LINC00305: variants seen among roughly 807,000 people sequenced by gnomAD.
The protein encoded by LINC00305 is long intergenic non-protein coding RNA 305.
chr18:64,127,289 T>G (rs2051389576), intron 1 of LINC00305: 1 of 152,138 alleles, frequency 6.6e-6, no homozygotes, highest in South Asian at 2.1e-4. Flanking sequence ...GAACATGTGC[T>G]TTGTGGCTTA....
intron 3 of LINC00305, among the ~76,000 whole-genome samples, chr18:64,096,622 A>G (rs1287329744): frequency 6.6e-6 from 1 of 151,926 alleles, no homozygotes; most frequent in Non-Finnish European, 1.5e-5. Context: ...TACAGTATAC[A>G]ACAAAGTTAA....
At chr18:64,110,222 T>A (rs1226225221) in intron 1 of LINC00305, among the ~76,000 whole-genome samples, 1 of 152,220 alleles carries the variant, frequency 6.6e-6, no homozygotes, top group Non-Finnish European at 1.5e-5. Context: ...AATAAAATTT[T>A]ATTGTGTAAA....
At chr18:64,145,295 TGTTA>T (rs1234481063) in intron 1 of LINC00305, among the ~76,000 whole-genome samples, 1 of 152,234 alleles carries the variant, frequency 6.6e-6, no homozygotes, top group East Asian at 1.9e-4. Context: ...ACAAATGTTA[TGTTA>T]AAGAATTACT....
At chr18:64,117,373 T>G (rs571054102) in intron 1 of LINC00305, among the ~76,000 whole-genome samples, 9 of 152,296 alleles carry the variant, frequency 5.9e-5, no homozygotes, top group African/African-American at 2.2e-4. Context: ...GCTTTGCAGA[T>G]AAGATAGGGT....
chr18:64,081,931 C>T (rs1033764260), intron 3 of LINC00305, among the ~76,000 whole-genome samples: 6 of 152,150 alleles, frequency 3.9e-5, no homozygotes, highest in Admixed American at 2.0e-4. Flanking sequence ...AACAGCATGG[C>T]TGTGATGAAG....
chr18:64,087,604 A>G (rs1341222010), intron 3 of LINC00305, among the ~76,000 whole-genome samples: 3 of 152,202 alleles, frequency 2.0e-5, no homozygotes, highest in South Asian at 2.1e-4. Context: ...AGATTCCTCA[A>G]AGAAATCTGT....
intron 3 of LINC00305, among the ~76,000 whole-genome samples, chr18:64,089,427 A>G (rs189832940): frequency 6.6e-6 from 1 of 152,322 alleles, no homozygotes; most frequent in East Asian, 1.9e-4. Context: ...CTCAGGTAGT[A>G]TATAGCAGTG....
intron 1 of LINC00305, among the ~76,000 whole-genome samples, chr18:64,118,063 G>T (rs2051345515): frequency 6.6e-6 from 1 of 152,146 alleles, no homozygotes; most frequent in Non-Finnish European, 1.5e-5. Flanking sequence ...TCTCCAGGCT[G>T]AATGCATTAT....
At chr18:64,112,972 T>G (rs1385035863) in intron 1 of LINC00305, among the ~76,000 whole-genome samples, 2 of 152,246 alleles carry the variant, frequency 1.3e-5, no homozygotes, top group Non-Finnish European at 2.9e-5. Flanking sequence ...CTGAGAGCTA[T>G]CATGACAATT....
At chr18:64,080,526 T>C in intron 3 of LINC00305, 1 of 234,718 alleles carries the variant, frequency 4.3e-6, no homozygotes. Flanking sequence ...AAAAAACAAA[T>C]TCTACTTGCA....
intron 3 of LINC00305, among the ~76,000 whole-genome samples, chr18:64,091,223 G>C (rs1204257539): frequency 1.3e-5 from 2 of 152,214 alleles, no homozygotes; most frequent in Non-Finnish European, 2.9e-5. Flanking sequence ...TCTCTGGGCT[G>C]TCTGCCCCCT....
chr18:64,097,551 C>A (rs2144236980), intron 3 of LINC00305, among the ~76,000 whole-genome samples: 1 of 151,688 alleles, frequency 6.6e-6, no homozygotes, highest in East Asian at 1.9e-4. Context: ...TTCAGATTTG[C>A]TTGTTCTTAT....
chr18:64,128,242 A>G (rs1190585421), intron 1 of LINC00305, among the ~76,000 whole-genome samples: 1 of 152,092 alleles, frequency 6.6e-6, no homozygotes, highest in Non-Finnish European at 1.5e-5. Context: ...AAGATTCCTG[A>G]GCTACTTGTG....
intron 1 of LINC00305, among the ~76,000 whole-genome samples, chr18:64,135,655 A>T (rs1461644826): frequency 1.3e-5 from 2 of 152,026 alleles, no homozygotes; most frequent in Non-Finnish European, 2.9e-5. Context: ...GTAGGATCTC[A>T]GCTCGCTGCA....
intron 1 of LINC00305, among the ~76,000 whole-genome samples, chr18:64,137,440 C>A (rs949260157): frequency 6.6e-6 from 1 of 152,198 alleles, no homozygotes; most frequent in Admixed American, 6.5e-5. Flanking sequence ...GAGCTATAGT[C>A]TTTCTGTCTG....
At chr18:64,141,104 A>T (rs937013958) in intron 1 of LINC00305, among the ~76,000 whole-genome samples, 2 of 150,952 alleles carry the variant, frequency 1.3e-5, no homozygotes, top group Non-Finnish European at 2.9e-5. Flanking sequence ...CCTGAAGAAG[A>T]GTGCAGCCTG....
intron 3 of LINC00305, among the ~76,000 whole-genome samples, chr18:64,087,150 C>T (rs1178849920): frequency 6.6e-6 from 1 of 152,138 alleles, no homozygotes; most frequent in African/African-American, 2.4e-5. Flanking sequence ...AAGGCAAATA[C>T]ACTTGGGTTT....
At chr18:64,146,533 A>G (rs2051499129) in intron 1 of LINC00305, among the ~76,000 whole-genome samples, 2 of 152,184 alleles carry the variant, frequency 1.3e-5, no homozygotes. Context: ...TGGTGCCCCA[A>G]CGGTCATCCC....
intron 3 of LINC00305, among the ~76,000 whole-genome samples, chr18:64,087,259 T>TA (rs1407634313): frequency 6.6e-6 from 1 of 152,116 alleles, no homozygotes; most frequent in Admixed American, 6.5e-5. Flanking sequence ...AAAAAAGAGC[T>TA]AAAAAATGGG....
Sources: gnomAD v4.1 joint callset for allele counts (sites outside exome capture counted in the v4.1 genomes callset) on GRCh38, gnomAD v4.1.1 for gene constraint, MANE v1.5 for transcripts, NCBI Gene and HGNC (gene_info 2026-07-23, HGNC 2026-07-21) for gene names.